Variants in CACNA1F observed in about 807,000 individuals in gnomAD.
CACNA1F encodes the protein voltage-dependent L-type calcium channel subunit alpha-1F.
In CACNA1F, 59 loss-of-function variants were observed where a neutral mutation model predicts 143.8. The ratio of observed to expected loss-of-function variants is 0.41; its 90% CI spans 0.33 to 0.51. The LOEUF (loss-of-function observed/expected upper bound fraction) is 0.51. Ranked by LOEUF, CACNA1F falls within the 20% of genes least tolerant of loss-of-function variation. The pLI is 0.22. For synonymous variants in CACNA1F, 643 were observed against 649.1 expected (o/e 0.99, Z 0.14); for missense variants, 1,411 against 1,647.5 (o/e 0.86, Z 2.48).
At chrX:49,208,032 G>GAA (rs782291802) in intron 43 of CACNA1F, among the ~76,000 whole-genome samples, 2 of 86,276 alleles carry the variant, frequency 2.3e-5, no homozygotes, top group Non-Finnish European at 2.3e-5. Flanking sequence ...CGTCTCTACT[G>GAA]AAAAAAAAAA....
Position 49,205,190 on chromosome X carries a change from G to C in CACNA1F, c.5848C>G (p.Arg1950Gly). The change falls in exon 48 of 48, where the codon CGC (arginine) becomes GGC (glycine). Residue 1950 changes from arginine (R) to glycine (G), a missense_variant. By Grantham distance (125) the Arg-to-Gly change is moderately radical. Coordinates refer to ENST00000323022, the MANE Select transcript of CACNA1F (RefSeq NM_001256789.3). Reference protein sequence around the residue: ...LYSDEESILSRFDEEDLGDEM... With the variant: ...LYSDEESILSGFDEEDLGDEM... ...TCTCCCAAGTCCTCCTCATCGAAGC[G>C]GGAGAGGATGGACTCCTCGTCGCTA... 8.3e-7 allele frequency: 1 copy of C among 1,210,728 alleles called. No homozygotes were observed. Among genetic ancestry groups the C allele is most frequent in the Non-Finnish European group, 1.1e-6 (1 of 894,635 alleles).
In CACNA1F at chrX:49,221,083, G is replaced by A; in HGVS notation, c.2289-3C>T. The A allele has an allele frequency of 8.3e-7, 1 of 1,205,253 alleles. No individual in the cohort carries two copies. Among genetic ancestry groups the A allele is most frequent in the Non-Finnish European group, 1.1e-6 (1 of 889,710 alleles). On this transcript the variant is annotated splice_polypyrimidine_tract_variant and splice_region_variant and intron_variant, in intron 17 of 47. Coordinates refer to ENST00000323022, the MANE Select transcript of CACNA1F (RefSeq NM_001256789.3). ...GATCCTTCTCATTGCTCTTCTCCCTGTGCGAGGAAATAGGGGTGATTGCTG... is the reference window on the plus strand; with the variant it reads ...GATCCTTCTCATTGCTCTTCTCCCTATGCGAGGAAATAGGGGTGATTGCTG...
chrX:49,205,231 C>T lies in CACNA1F; in HGVS notation c.5807G>A (p.Gly1936Glu), dbSNP rs1569527294. Residue 1936 changes from glycine to glutamate, a missense_variant, in exon 48 of 48, where the codon GGA becomes GAA. By Grantham distance (98) the Gly-to-Glu change is moderately conservative. Coordinates refer to ENST00000323022, the MANE Select transcript of CACNA1F (RefSeq NM_001256789.3). Reference sequence around the variant, plus strand: ...CTCGTCGCTATAGAGAGAGCTGGTTCCCTGTGCCAGCAGGTCACTGGCAGC... The same window carrying T: ...CTCGTCGCTATAGAGAGAGCTGGTTTCCTGTGCCAGCAGGTCACTGGCAGC... The part of the protein sequence containing the change: ...DNAASDLLAQ[G>E]TSSLYSDEES... 1 of 1,209,960 alleles carries T rather than the reference C, an allele frequency of 8.3e-7. No homozygotes were observed. Among genetic ancestry groups the T allele is most frequent in the East Asian group, 3.0e-5 (1 of 33,802 alleles).
At chrX:49,210,164 C>T in intron 39 of CACNA1F, 122 bp from the exon 40 acceptor site, 2 of 677,465 alleles carry the variant, frequency 3.0e-6, no homozygotes, top group East Asian at 3.2e-5. Flanking sequence ...CCCCATTGGA[C>T]GGGGTGGGGG....
Position 49,224,904 on chromosome X carries a change from C to T in CACNA1F, c.1734G>A (p.Val578=), listed in dbSNP as rs1557109518. Reference sequence around the variant, plus strand: ...AGTCAAAGCGGTTGAAGAAGGAAGACACATAGGCAGAGGGGCCCAGACCGT... The same window carrying T: ...AGTCAAAGCGGTTGAAGAAGGAAGATACATAGGCAGAGGGGCCCAGACCGT... ...KLYGLGPSAY[V]SSFFNRFDCF... The change falls in exon 14 of 48, where the codon GTG becomes GTA. Residue 578 remains valine, a synonymous_variant. Coordinates refer to ENST00000323022, the MANE Select transcript of CACNA1F (RefSeq NM_001256789.3). 4 of 1,208,461 alleles carry T rather than the reference C, an allele frequency of 3.3e-6. No homozygotes were observed. The Admixed American group carries it at 6.5e-5, about 20-fold the overall frequency.
In CACNA1F at chrX:49,225,167, G is replaced by C. The variant is rs782047954; in HGVS notation, c.1652-181C>G. On this transcript the variant is annotated intron_variant, in intron 13 of 47. Transcript: ENST00000323022. Reference sequence around the variant, plus strand: ...GGTCAGAGTAGGTGAAGTTTTGAGGGGCTTGGAGATGGGGATGAGGGGCAG... The same window carrying C: ...GGTCAGAGTAGGTGAAGTTTTGAGGCGCTTGGAGATGGGGATGAGGGGCAG... 1.6e-3 allele frequency among the ~76,000 whole-genome samples: 178 copies of C among 108,149 alleles called. 1 individual carries two copies. The highest frequency in any genetic ancestry group is 2.5e-3 in the Non-Finnish European group (131 of 52,150). 93.9% of individuals were successfully genotyped at this position (108,149 alleles called of 115,157 possible).
chrX:49,221,949 C>T (rs1165791406), intron 17 of CACNA1F, among the ~76,000 whole-genome samples: 2 of 108,961 alleles, frequency 1.8e-5, no homozygotes, highest in Non-Finnish European at 3.8e-5. Context: ...CACCACTGCA[C>T]TCCAGCCTGG....
In CACNA1F at chrX:49,231,804, C is replaced by T. The variant is rs1557111435; in HGVS notation, c.149G>A (p.Arg50Gln). The part of the protein sequence containing the change: ...SGASGLGTPK[R>Q]RNQHSKHKTV... ...CTTGTGCTTGCTGTGCTGGTTTCTT[C>T]GCTTAGGGGTCCCTAGGCCTGATGC... The change falls in exon 2 of 48, where the codon CGA becomes CAA. Residue 50 changes from arginine (R) to glutamine (Q), a missense_variant. Around this residue, in one of 3 missense-constraint regions of CACNA1F, gnomAD observed 950 missense variants for 1,128.1 expected, o/e 0.84. Coordinates refer to ENST00000323022, the MANE Select transcript of CACNA1F (RefSeq NM_001256789.3). The T allele has an allele frequency of 5.8e-6, 7 of 1,208,046 alleles. No homozygotes were observed. Among genetic ancestry groups the T allele is most frequent in the Middle Eastern group, 2.3e-4 (1 of 4,370 alleles).
chrX:49,231,391 C>T (rs782328902), intron 2 of CACNA1F, 84 bp from the exon 3 acceptor site: 37 of 722,479 alleles, frequency 5.1e-5, no homozygotes, highest in Non-Finnish European at 7.5e-5. Context: ...CAGTGCTGAC[C>T]CTTGACGCCC....
chrX:49,231,885 C>T lies in CACNA1F; in HGVS notation c.68G>A (p.Gly23Asp), dbSNP rs1557111475. Reference sequence around the variant, plus strand: ...CCCGGGGCACAGCCCCCATTCGGGACCAGGGCCTGCCCCATTGGCTGGACT... The same window carrying T: ...CCCGGGGCACAGCCCCCATTCGGGATCAGGGCCTGCCCCATTGGCTGGACT... Reference protein sequence around the residue: ...EPSPANGAGPGPEWGLCPGPP... With the variant: ...EPSPANGAGPDPEWGLCPGPP... Residue 23 changes from glycine to aspartate, a missense_variant, in exon 2 of 48, where the codon GGT (glycine) becomes GAT (aspartate). Around this residue, in one of 3 missense-constraint regions of CACNA1F, gnomAD observed 950 missense variants for 1,128.1 expected, o/e 0.84. Transcript: ENST00000323022. 1 of 1,179,929 alleles carries T rather than the reference C, an allele frequency of 8.5e-7. No individual in the cohort carries two copies. The highest frequency in any genetic ancestry group is 1.9e-5 in the South Asian group (1 of 53,825).
At chrX:49,205,562 C>T in intron 47 of CACNA1F, 54 bp downstream of exon 47, 1 of 1,112,026 alleles carries the variant, frequency 9.0e-7, no homozygotes, top group Non-Finnish European at 1.2e-6. Flanking sequence ...CCTCCAGTAC[C>T]CACCTCCTCC....
At position 49,218,634 on chromosome X, in the gene CACNA1F, G is replaced by A; in HGVS notation, c.2835C>T (p.Gly945=). ...LVVSVSLISF[G]IHSSAISVVK... The stretch of plus-strand genomic sequence containing the variant: ...GCTGGGGATCTGTCACTTACTGGAT[G>A]CCAAAGGAGATGAGGGACACACTGA... Residue 945 remains glycine (G), a synonymous_variant, in exon 23 of 48, where the codon GGC becomes GGT. Coordinates refer to ENST00000323022, the MANE Select transcript of CACNA1F (RefSeq NM_001256789.3). 8.3e-7 allele frequency: 1 copy of A among 1,199,530 alleles called. No individual in the cohort carries two copies. Among genetic ancestry groups the A allele is most frequent in the Non-Finnish European group, 1.1e-6 (1 of 887,046 alleles).
Position 49,227,091 on chromosome X carries a change from G to A in CACNA1F, c.1155C>T (p.Arg385=), listed in dbSNP as rs782692589. The change falls in exon 9 of 48, where the codon CGC becomes CGT. Residue 385 remains arginine, a synonymous_variant. Transcript: ENST00000323022. ...TCTCCCGCTGCTTCTGGAAGTCCCCGCGAGCTTTCGCTTTCTCTCTCTCCT... is the reference window on the plus strand; with the variant it reads ...TCTCCCGCTGCTTCTGGAAGTCCCCACGAGCTTTCGCTTTCTCTCTCTCCT... ...FSKEREKAKA[R]GDFQKQREKQ... 92 of 1,191,893 alleles carry A rather than the reference G, an allele frequency of 7.7e-5. 1 individual carries two copies. The South Asian group carries it at 1.1e-3, about 14-fold the overall frequency.
rs956287715 is a variant in CACNA1F, at chrX:49,225,901, G to C, written c.1651+8C>G. On this transcript the variant is annotated splice_region_variant and intron_variant, in intron 13 of 47. Coordinates refer to ENST00000323022, the MANE Select transcript of CACNA1F (RefSeq NM_001256789.3). ...CTGGGGGAGACGACTAGCAGGCTGG[G>C]GGTGTACCCTGGATCTGGGTGAGCC... The C allele has an allele frequency of 2.6e-5, 30 of 1,164,297 alleles. No homozygotes were observed. The Admixed American group carries it at 7.3e-4, about 28-fold the overall frequency.
chrX:49,230,083 G>A lies in CACNA1F; in HGVS notation c.817+137C>T, dbSNP rs189202254. The A allele has an allele frequency of 5.2e-3, 2,683 of 513,335 alleles. 8 individuals carry two copies. Among genetic ancestry groups the A allele is most frequent in the Middle Eastern group, 0.014 (25 of 1,817 alleles). 42.3% of individuals were successfully genotyped at this position (513,335 alleles called of 1,213,427 possible). On this transcript the variant is annotated intron_variant, in intron 6 of 47. Coordinates refer to ENST00000323022, the MANE Select transcript of CACNA1F (RefSeq NM_001256789.3). The stretch of plus-strand genomic sequence containing the variant: ...GGCAGAGTCTTGAATATATGGGTGG[G>A]ACTTGGTTATCTGGGGATGGAACCT...
At chrX:49,213,757 G>C in intron 31 of CACNA1F, 62 bp downstream of exon 31, 1 of 831,458 alleles carries the variant, frequency 1.2e-6, no homozygotes, top group Non-Finnish European at 1.8e-6. Context: ...AGGGAACCCC[G>C]GGATAGAGGT....
At position 49,228,091 on chromosome X, in the gene CACNA1F, G is replaced by A; in HGVS notation, c.1063C>T (p.Leu355Phe). The A allele has an allele frequency of 8.3e-7, 1 of 1,211,003 alleles. No homozygotes were observed. The highest frequency in any genetic ancestry group is 1.1e-6 in the Non-Finnish European group (1 of 894,821). The change falls in exon 8 of 48, where the codon CTT (leucine) becomes TTT (phenylalanine). Residue 355 changes from leucine (L) to phenylalanine (F), a missense_variant. By Grantham distance (22) the Leu-to-Phe change is conservative. Around this residue, in one of 3 missense-constraint regions of CACNA1F, gnomAD observed 950 missense variants for 1,128.1 expected, o/e 0.84. Coordinates refer to ENST00000323022, the MANE Select transcript of CACNA1F (RefSeq NM_001256789.3). ...ACGAAGAAGGACCCAAAGATGACAA[G>A]GCTCACAAAGTACACCCAGGGCAGT... ...YELPWVYFVS[L>F]VIFGSFFVLN... is the part of the protein sequence containing the mutation.
rs2065720412 is a variant in CACNA1F, at chrX:49,216,656, C to T, written c.3090-128G>A. 6.9e-6 allele frequency: 4 copies of T among 578,552 alleles called. No homozygotes were observed. The Admixed American group carries it at 1.0e-4, about 14-fold the overall frequency. The allele number at this position is 578,552 out of a possible 1,213,427, so 47.7% of individuals were successfully genotyped here. On this transcript the variant is annotated intron_variant, in intron 26 of 47. Coordinates refer to ENST00000323022, the MANE Select transcript of CACNA1F (RefSeq NM_001256789.3). ...ATATGTTCTAGGTTCAAATCCTGTC[C>T]CTCCATGTCCTGGCTGGGTGACCTT...
In CACNA1F at chrX:49,211,960, G is replaced by A; in HGVS notation, c.4038C>T (p.Gly1346=). 1 of 1,210,907 alleles carries A rather than the reference G, an allele frequency of 8.3e-7. No homozygotes were observed. The highest frequency in any genetic ancestry group is 1.8e-5 in the South Asian group (1 of 57,003). Residue 1346 remains glycine (G), a synonymous_variant, in exon 35 of 48, where the codon GGC becomes GGT. Transcript: ENST00000323022. ...AGTTGTTGTTTCGGTTTATCTGTGT[G>A]CCATCCTGAAGAGCCACCTTGCCGA... ...QMFGKVALQD[G]TQINRNNNFQ... is the part of the protein sequence containing the mutation.
Sources: gnomAD v4.1 joint callset for allele counts (sites outside exome capture counted in the v4.1 genomes callset) on GRCh38, gnomAD v4.1.1 for gene constraint, gnomAD v4.1.1 regional missense constraint, MANE v1.5 for transcripts, NCBI Gene and HGNC (gene_info 2026-07-23, HGNC 2026-07-21) for gene names.